ANKIB1: variants seen among roughly 807,000 people sequenced by gnomAD.
ANKIB1 encodes the protein ankyrin repeat and IBR domain-containing protein 1.
A neutral mutation model predicts 122.1 loss-of-function variants in ANKIB1; 43 were observed. That is an observed-to-expected ratio of 0.35 (90% CI 0.28 to 0.45). ANKIB1 has a LOEUF of 0.45. Among genes scored for constraint, ANKIB1 ranks in the 20% least tolerant of loss-of-function variants. The pLI, the probability that ANKIB1 is intolerant of heterozygous loss-of-function variation, is 1.00. For missense variants in ANKIB1, 992 were observed against 1,329.5 expected (o/e 0.75, Z 3.95); for synonymous variants, 390 against 442.0 (o/e 0.88, Z 1.48).
intron 11 of ANKIB1, among the ~76,000 whole-genome samples, chr7:92,385,729 CGTG>C (rs765088145): frequency 1.6e-4 from 24 of 151,884 alleles, no homozygotes; most frequent in Non-Finnish European, 2.5e-4. Flanking sequence ...TGGGGCCTGT[CGTG>C]GTGTGGGAGG....
intron 1 of ANKIB1, among the ~76,000 whole-genome samples, chr7:92,270,276 T>C (rs1408986498): frequency 6.6e-6 from 1 of 152,120 alleles, no homozygotes; most frequent in Non-Finnish European, 1.5e-5. Context: ...CTGCCTAGGC[T>C]GGTCTCTAAC....
intron 10 of ANKIB1, among the ~76,000 whole-genome samples, chr7:92,366,520 TA>T (rs1804087466): frequency 6.6e-6 from 1 of 152,346 alleles, no homozygotes; most frequent in East Asian, 1.9e-4. Flanking sequence ...CAAGCAGTCT[TA>T]AACTATGGGT....
intron 10 of ANKIB1, among the ~76,000 whole-genome samples, chr7:92,365,788 CT>C (rs59131137): frequency 0.062 from 3,528 of 56,940 alleles, 14 homozygotes; most frequent in East Asian, 0.21. Flanking sequence ...ATTAAATAAT[CT>C]TTTTTTTTTT....
At chr7:92,304,718 A>G (rs1386963056) in intron 2 of ANKIB1, among the ~76,000 whole-genome samples, 1 of 152,216 alleles carries the variant, frequency 6.6e-6, no homozygotes, top group Non-Finnish European at 1.5e-5. Context: ...AATCTTGAAT[A>G]CATTTTAGAG....
In ANKIB1 at chr7:92,246,193, A is replaced by G. The variant is rs1800972660; in HGVS notation, c.-417A>G. The stretch of plus-strand genomic sequence containing the variant: ...CCGGGCTTGACCGCGAGGCGGAGGC[A>G]AGAGCCACCGCCCCCTCTTCCCCTC... On this transcript the variant is annotated 5_prime_UTR_variant, in exon 1 of 20. Coordinates refer to ENST00000265742, the MANE Select transcript of ANKIB1 (RefSeq NM_019004.2). The G allele has an allele frequency of 2.8e-6, 1 of 362,302 alleles. No individual in the cohort carries two copies. The highest frequency in any genetic ancestry group is 1.9e-5 in the South Asian group (1 of 52,258). 22.4% of individuals were successfully genotyped at this position (362,302 alleles called of 1,614,324 possible).
intron 6 of ANKIB1, 133 bp downstream of exon 6, chr7:92,343,365 C>A: frequency 1.4e-6 from 1 of 724,800 alleles, no homozygotes; most frequent in Non-Finnish European, 2.3e-6. Flanking sequence ...TTGAAAGGTT[C>A]GGTTATTTCC....
chr7:92,356,467 A>G (rs949665177), intron 9 of ANKIB1, among the ~76,000 whole-genome samples: 2 of 152,238 alleles, frequency 1.3e-5, no homozygotes, highest in Non-Finnish European at 2.9e-5. Context: ...TTGGCAGTTC[A>G]ATCATAAGAC....
At chr7:92,321,342 CAA>C (rs1370742556) in intron 4 of ANKIB1, among the ~76,000 whole-genome samples, 1 of 152,126 alleles carries the variant, frequency 6.6e-6, no homozygotes, top group Non-Finnish European at 1.5e-5. Context: ...TAATAGATCT[CAA>C]AACCTATTCT....
At chr7:92,255,912 A>G (rs1801434581) in intron 1 of ANKIB1, among the ~76,000 whole-genome samples, 1 of 152,206 alleles carries the variant, frequency 6.6e-6, no homozygotes, top group Admixed American at 6.5e-5. Flanking sequence ...AACTATGGTA[A>G]ACAAGGGGTA....
chr7:92,327,639 C>G (rs1585109274), intron 4 of ANKIB1, 144 bp from the exon 5 acceptor site: 1 of 425,308 alleles, frequency 2.4e-6, no homozygotes, highest in East Asian at 3.8e-5. Context: ...TTTTTTTTCC[C>G]AAATGTTTTC....
At chr7:92,286,928 A>G (rs992437690) in intron 1 of ANKIB1, among the ~76,000 whole-genome samples, 3 of 152,228 alleles carry the variant, frequency 2.0e-5, no homozygotes, top group Non-Finnish European at 4.4e-5. Context: ...CTGTTGCTAC[A>G]GTCCTGGTAC....
Position 92,371,583 on chromosome 7 carries a change from C to G in ANKIB1, c.1593C>G (p.Gly531=). Residue 531 remains glycine (G), a synonymous_variant, in exon 11 of 20, where the codon GGC becomes GGG. Coordinates refer to ENST00000265742, the MANE Select transcript of ANKIB1 (RefSeq NM_019004.2). The part of the protein sequence containing the change: ...NCKSPIQKNE[G]CNHMQCAKCK... ...AGTCTCCAATACAGAAGAATGAAGG[C>G]TGCAATCACATGCAGTGTGCTAAGG... is the stretch of plus-strand genomic sequence containing the variant. The G allele has an allele frequency of 6.2e-7, 1 of 1,604,586 alleles. No homozygotes were observed. Among genetic ancestry groups the G allele is most frequent in the South Asian group, 1.1e-5 (1 of 89,090 alleles).
At chr7:92,361,280 GTTT>G (rs1490802221) in intron 9 of ANKIB1, among the ~76,000 whole-genome samples, 2 of 152,236 alleles carry the variant, frequency 1.3e-5, no homozygotes, top group South Asian at 2.1e-4. Context: ...GTAAATTGAT[GTTT>G]TTAATTATTT....
chr7:92,396,109 G>A (rs1348378836), intron 17 of ANKIB1: 4 of 462,978 alleles, frequency 8.6e-6, no homozygotes, highest in Non-Finnish European at 1.5e-5. Flanking sequence ...AAATAGGGCT[G>A]TTCTAATGTA....
chr7:92,267,608 G>A lies in ANKIB1; in HGVS notation c.-91+21089G>A, dbSNP rs897637328. On this transcript the variant is annotated intron_variant, in intron 1 of 19. Coordinates refer to ENST00000265742, the MANE Select transcript of ANKIB1 (RefSeq NM_019004.2). ...TGTGATCATGAAGATGTTCCTTCAT[G>A]TTTTCTTCTGAAAGCATTATTGTTT... 3.3e-5 allele frequency among the ~76,000 whole-genome samples: 5 copies of A among 152,036 alleles called. No individual in the cohort carries two copies. The East Asian group carries it at 5.8e-4, about 18-fold the overall frequency.
rs1804976882 is a variant in ANKIB1 at position 92,399,651 on chromosome 7, T to G, written c.*702T>G. On this transcript the variant is annotated 3_prime_UTR_variant, in exon 20 of 20. Coordinates refer to ENST00000265742, the MANE Select transcript of ANKIB1 (RefSeq NM_019004.2). ...TGTCAGCGTTCTCGGGAGTAAAAGG[T>G]GCCACTTGGTAGCAATGATATTCCA... 8 of 152,328 alleles carry G rather than the reference T, an allele frequency of 5.3e-5. 1 individual carries two copies. In the South Asian group the frequency reaches 1.7e-3, roughly 32 times the overall value. The allele number at this position is 152,328 out of a possible 1,614,324, so 9.4% of individuals were successfully genotyped here. A position where few individuals can be genotyped will look rare whatever the true frequency, so the allele number is the denominator to read the frequency against.
chr7:92,351,376 C>T (rs1490637612), intron 8 of ANKIB1, among the ~76,000 whole-genome samples: 1 of 152,186 alleles, frequency 6.6e-6, no homozygotes, highest in South Asian at 2.1e-4. Flanking sequence ...TTGCCCGTTG[C>T]ACTTTAATAA....
chr7:92,359,316 G>A (rs935237295), intron 9 of ANKIB1, among the ~76,000 whole-genome samples: 1 of 152,192 alleles, frequency 6.6e-6, no homozygotes, highest in African/African-American at 2.4e-5. Flanking sequence ...GTGAGAACAT[G>A]CATTGTTTGG....
intron 7 of ANKIB1, among the ~76,000 whole-genome samples, chr7:92,346,829 G>A (rs756295342): frequency 3.1e-4 from 47 of 152,180 alleles, no homozygotes; most frequent in Non-Finnish European, 4.6e-4. Context: ...TGTATCACAG[G>A]AACTATCTCC....
Sources: gnomAD v4.1 joint callset for allele counts (sites outside exome capture counted in the v4.1 genomes callset) on GRCh38, gnomAD v4.1.1 for gene constraint, MANE v1.5 for transcripts, NCBI Gene and HGNC (gene_info 2026-07-23, HGNC 2026-07-21) for gene names.